The following CHRDL2 variants were observed in gnomAD, a reference collection of about 807,000 sequenced individuals.
CHRDL2 encodes the protein chordin like 2, also known as chordin-like protein 2.
Under a neutral mutation model 54.3 loss-of-function variants are expected in CHRDL2, and 41 were observed. The observed-to-expected ratio is 0.76, with a 90% CI of 0.59 to 0.98. The LOEUF is 0.98. Ranked by LOEUF, CHRDL2 falls within the 50% of genes least tolerant of loss-of-function variation. The pLI is 0.00. For synonymous variants in CHRDL2, 220 were observed against 224.3 expected, an observed-to-expected ratio of 0.98 and a Z score of 0.17; for missense variants, 518 against 562.4, an observed-to-expected ratio of 0.92 and a Z score of 0.80.
intron 2 of CHRDL2, among the ~76,000 whole-genome samples, chr11:74,715,016 A>G (rs1446917297): frequency 1.3e-5 from 2 of 152,164 alleles, no homozygotes; most frequent in East Asian, 3.8e-4. Flanking sequence ...CGTCTTCTCA[A>G]CACCCCTAGA....
At chr11:74,703,593 C>T in intron 7 of CHRDL2, 94 bp from the exon 8 acceptor site, 1 of 1,150,492 alleles carries the variant, frequency 8.7e-7, no homozygotes, top group South Asian at 1.6e-5. Flanking sequence ...CCTTGGGGAG[C>T]CCTCACTTTA....
intron 1 of CHRDL2, among the ~76,000 whole-genome samples, chr11:74,724,381 A>C (rs1275101689): frequency 6.6e-6 from 1 of 152,272 alleles, no homozygotes; most frequent in Non-Finnish European, 1.5e-5. Context: ...ACAGACTTAA[A>C]GTGACTGGAC....
Position 74,713,271 on chromosome 11 carries a change from C to T in CHRDL2, c.289+115G>A, listed in dbSNP as rs980327001. The T allele has an allele frequency of 1.1e-5, 9 of 850,512 alleles. No individual in the cohort carries two copies. The South Asian group carries it at 1.2e-4, about 11-fold the overall frequency. 52.7% of individuals were successfully genotyped at this position (850,512 alleles called of 1,614,324 possible). Reference sequence around the variant, plus strand: ...TCCCTTGAGCACCTTTGTGTGTCTACACCTCTGATGGGTAGAGACTGCCCC... The same window carrying T: ...TCCCTTGAGCACCTTTGTGTGTCTATACCTCTGATGGGTAGAGACTGCCCC... On this transcript the variant is annotated intron_variant, in intron 3 of 10. Transcript: ENST00000376332.
chr11:74,699,154 G>C (rs2033715073), intron 9 of CHRDL2: 2 of 152,304 alleles, frequency 1.3e-5, no homozygotes, highest in Admixed American at 1.3e-4. Context: ...ACAAGCATGA[G>C]ATGAGATGGG....
intron 9 of CHRDL2, chr11:74,698,220 C>T (rs893881416): frequency 1.4e-5 from 2 of 141,750 alleles, no homozygotes; most frequent in African/African-American, 2.7e-5. Context: ...CCCGCCACCA[C>T]ACCTGGCTAA....
chr11:74,701,594 G>A (rs1053426840), intron 9 of CHRDL2: 1 of 717,804 alleles, frequency 1.4e-6, no homozygotes, highest in Admixed American at 2.0e-5. Flanking sequence ...CCACTTACTG[G>A]CTGTGTGGCC....
At chr11:74,704,730 G>T (rs1248138491) in intron 6 of CHRDL2, 76 bp from the exon 7 acceptor site, 9 of 1,464,398 alleles carry the variant, frequency 6.1e-6, no homozygotes, top group Non-Finnish European at 8.4e-6. Flanking sequence ...AGCAAGACAG[G>T]CTGCAGCAAG....
At chr11:74,725,619 G>C (rs1393010072) in intron 1 of CHRDL2, among the ~76,000 whole-genome samples, 1 of 152,106 alleles carries the variant, frequency 6.6e-6, no homozygotes, top group African/African-American at 2.4e-5. Flanking sequence ...GTTTTTTTAT[G>C]GTGGTCAGTT....
intron 6 of CHRDL2, 66 bp from the exon 7 acceptor site, chr11:74,704,720 A>G: frequency 2.0e-6 from 3 of 1,518,902 alleles, no homozygotes; most frequent in Non-Finnish European, 2.7e-6. Flanking sequence ...GAGCCAGAAC[A>G]GCAAGACAGG....
chr11:74,703,015 C>A, intron 8 of CHRDL2, 48 bp from the exon 9 acceptor site: 1 of 1,523,204 alleles, frequency 6.6e-7, no homozygotes, highest in Non-Finnish European at 8.9e-7. Flanking sequence ...GTTGGCTGTA[C>A]CTCTTCAAAG....
At chr11:74,718,510 C>T (rs1325696893) in intron 2 of CHRDL2, among the ~76,000 whole-genome samples, 1 of 152,194 alleles carries the variant, frequency 6.6e-6, no homozygotes, top group Admixed American at 6.5e-5. Context: ...AACCCAGCCA[C>T]TAATGTTTGT....
Position 74,731,096 on chromosome 11 carries a change from A to C in CHRDL2, c.-208T>G, listed in dbSNP as rs1252175147. 11 of 574,886 alleles carry C rather than the reference A, an allele frequency of 1.9e-5. No individual in the cohort carries two copies. The highest frequency in any genetic ancestry group is 3.4e-5 in the Non-Finnish European group (11 of 322,860). The allele number at this position is 574,886 out of a possible 1,614,324, so 35.6% of individuals were successfully genotyped here. On this transcript the variant is annotated 5_prime_UTR_variant, in exon 1 of 11. Coordinates refer to ENST00000376332, the MANE Select transcript of CHRDL2 (RefSeq NM_001278473.3). This position sits in a 1 kb window ranked among gnomAD's most constrained non-coding sequence, Gnocchi z 4.4. ...TAAGGTGGGAAGAAGAGAAAGGTGG[A>C]AAGAGAACGCGGGGAAAGGAGGGAG...
At chr11:74,726,847 T>C (rs1461467480) in intron 1 of CHRDL2, among the ~76,000 whole-genome samples, 1 of 152,076 alleles carries the variant, frequency 6.6e-6, no homozygotes, top group African/African-American at 2.4e-5. Context: ...ACTTAGGTGC[T>C]CCCCACTGCC....
In CHRDL2 at chr11:74,703,461, C is replaced by A; in HGVS notation, c.790G>T (p.Val264Leu). Reference sequence around the variant, plus strand: ...AAGGCACGGAAGGCCGGGTGCCACACCTCCCCGTGGGAGTACGTCTTCCCG... The same window carrying A: ...AAGGCACGGAAGGCCGGGTGCCACAACTCCCCGTGGGAGTACGTCTTCCCG... ...HGGKTYSHGE[V>L]WHPAFRAFGP... Residue 264 changes from valine (V) to leucine (L), a missense_variant, in exon 8 of 11, where the codon GTG becomes TTG. Transcript: ENST00000376332. 1 of 1,611,132 alleles carries A rather than the reference C, an allele frequency of 6.2e-7. No homozygotes were observed. Among genetic ancestry groups the A allele is most frequent in the South Asian group, 1.1e-5 (1 of 90,716 alleles).
Position 74,703,307 on chromosome 11 carries a change from G to T in CHRDL2, c.944C>A (p.Pro315Gln), listed in dbSNP as rs745850424. 3 of 1,600,260 alleles carry T rather than the reference G, an allele frequency of 1.9e-6. No individual in the cohort carries two copies. The highest frequency in any genetic ancestry group is 2.2e-5 in the South Asian group (2 of 89,714). ...TTGCTCCCAGTGCCCCTGTGTACCT[G>T]GGCAAATCTTGCAGCACTTCCCAGC... Reference protein sequence around the residue: ...KVAGKCCKICPEDKADPGHSE... With the variant: ...KVAGKCCKICQEDKADPGHSE... Residue 315 changes from proline (P) to glutamine (Q), a missense_variant and splice_region_variant, in exon 8 of 11, where the codon CCA becomes CAA. Physicochemically the swap from Pro to Gln is moderately conservative, Grantham distance 76. Transcript: ENST00000376332.
intron 6 of CHRDL2, among the ~76,000 whole-genome samples, chr11:74,705,624 A>G (rs1392851761): frequency 1.3e-5 from 2 of 152,230 alleles, no homozygotes; most frequent in Admixed American, 1.3e-4. Flanking sequence ...GCCCGTCAGT[A>G]AGTAGCTGAT....
intron 1 of CHRDL2, among the ~76,000 whole-genome samples, chr11:74,725,149 C>T (rs534398153): frequency 2.6e-5 from 4 of 152,268 alleles, no homozygotes; most frequent in Admixed American, 6.5e-5. Flanking sequence ...AGTGCCACCA[C>T]GCCCAGCTAA....
At chr11:74,717,113 A>C (rs474563) in intron 2 of CHRDL2, among the ~76,000 whole-genome samples, 76,722 of 149,374 alleles carry the variant, frequency 0.51, 20,513 homozygotes, top group Middle Eastern at 0.63. Flanking sequence ...AACAAACAAA[A>C]AAAAAAAACC....
chr11:74,701,561 A>C, intron 9 of CHRDL2: 1 of 715,680 alleles, frequency 1.4e-6, no homozygotes, highest in Non-Finnish European at 2.6e-6. Context: ...ACGCCACAAG[A>C]CATGGGCTCT....
Sources: allele counts gnomAD v4.1 joint callset (sites outside exome capture counted in the v4.1 genomes callset), GRCh38; gene constraint gnomAD v4.1.1; non-coding constraint Gnocchi (gnomAD v3.1); transcripts MANE v1.5; gene names NCBI Gene and HGNC (gene_info 2026-07-23, HGNC 2026-07-21).